Variants in CTXN2 observed in about 807,000 individuals in gnomAD.
The protein encoded by CTXN2 is cortexin 2.
A neutral mutation model predicts 5.7 loss-of-function variants in CTXN2; 3 were observed. The observed-to-expected ratio is 0.53, with a 90% CI of 0.24 to 1.36. The LOEUF is 1.36. Among genes scored for constraint, CTXN2 ranks in the 40% most tolerant of loss-of-function variants. The pLI, the probability that CTXN2 is intolerant of heterozygous loss-of-function variation, is 0.17. For synonymous variants in CTXN2, 38 were observed against 36.4 expected (o/e 1.04, Z -0.16); for missense variants, 87 against 93.0 (o/e 0.94, Z 0.26).
In CTXN2 at chr15:48,201,540, C is replaced by G. The variant is rs374953252; in HGVS notation, c.240C>G (p.Leu80=). 4 of 1,550,960 alleles carry G rather than the reference C, an allele frequency of 2.6e-6. No homozygotes were observed. The highest frequency in any genetic ancestry group is 1.2e-5 in the South Asian group (1 of 84,006). The change falls in exon 2 of 2, where the codon CTC becomes CTG. Residue 80 remains leucine (L), a synonymous_variant. Transcript: ENST00000417307. Reference sequence around the variant, plus strand: ...ATAAAGGGACATTTGAATATGCACTCGCGTGAGAGTTCCAGCTATATGGTT... The same window carrying G: ...ATAAAGGGACATTTGAATATGCACTGGCGTGAGAGTTCCAGCTATATGGTT... ...EFDKGTFEYA[L]A
At chr15:48,195,573 T>C (rs12324333) in intron 1 of CTXN2, among the ~76,000 whole-genome samples, 148,188 of 152,204 alleles carry the variant, frequency 0.97, 72,262 homozygotes, top group Middle Eastern at 1. Flanking sequence ...AAATCCAGTA[T>C]TTTTCTGCCT....
chr15:48,190,308 C>A (rs2040803167), upstream of CTXN2, among the ~76,000 whole-genome samples: 1 of 152,002 alleles, frequency 6.6e-6, no homozygotes, highest in South Asian at 2.1e-4. Flanking sequence ...AGAATGTGGC[C>A]CTTGGCAAGT....
chr15:48,194,809 C>T (rs1290504878), intron 1 of CTXN2, among the ~76,000 whole-genome samples: 1 of 152,096 alleles, frequency 6.6e-6, no homozygotes, highest in African/African-American at 2.4e-5. Flanking sequence ...TGGCTTCCTA[C>T]AAGATAATAT....
intron 1 of CTXN2, among the ~76,000 whole-genome samples, chr15:48,194,148 AT>A (rs2040854268): frequency 6.6e-6 from 1 of 151,994 alleles, no homozygotes; most frequent in Non-Finnish European, 1.5e-5. Flanking sequence ...AGTATATTTT[AT>A]GATAAATATA....
chr15:48,201,326 C>G lies in CTXN2; in HGVS notation c.26C>G (p.Ser9Cys), dbSNP rs949330211. MSSTYCGN[S>C]SAKMSVNEVS... Reference sequence around the variant, plus strand: ...ATGAGTAGTACCTACTGTGGCAACTCTTCAGCTAAGATGAGTGTCAACGAA... The same window carrying G: ...ATGAGTAGTACCTACTGTGGCAACTGTTCAGCTAAGATGAGTGTCAACGAA... The change falls in exon 2 of 2, where the codon TCT becomes TGT. Residue 9 changes from serine (S) to cysteine (C), a missense_variant. Transcript: ENST00000417307. 8 of 1,551,224 alleles carry G rather than the reference C, an allele frequency of 5.2e-6. No homozygotes were observed. Among genetic ancestry groups the G allele is most frequent in the Non-Finnish European group, 7.0e-6 (8 of 1,146,708 alleles).
chr15:48,188,661 A>G (rs374259863), upstream of CTXN2, among the ~76,000 whole-genome samples: 1 of 152,266 alleles, frequency 6.6e-6, no homozygotes, highest in East Asian at 1.9e-4. Context: ...CTTCTAAACA[A>G]TGTCACCAAC....
intron 1 of CTXN2, 65 bp downstream of exon 1, chr15:48,191,918 C>A: frequency 2.3e-6 from 1 of 434,096 alleles, no homozygotes; most frequent in Non-Finnish European, 4.6e-6. Flanking sequence ...GACAGCGTTC[C>A]AAATGCAGGT....
chr15:48,180,842 A>G (rs2140966596), intron 1 of CTXN2, among the ~76,000 whole-genome samples: 1 of 152,256 alleles, frequency 6.6e-6, no homozygotes, highest in East Asian at 1.9e-4. Context: ...TTTGTTTTTT[A>G]GTGCATGTAG....
In CTXN2 at chr15:48,201,349, G is replaced by A. The variant is rs1469481942; in HGVS notation, c.49G>A (p.Glu17Lys). Reference protein sequence around the residue: ...GNSSAKMSVNEVSAFSLTLEQ... With the variant: ...GNSSAKMSVNKVSAFSLTLEQ... ...CTCTTCAGCTAAGATGAGTGTCAAC[G>A]AAGTATCAGCTTTCTCATTGACTCT... The change falls in exon 2 of 2, where the codon GAA (glutamate) becomes AAA (lysine). Residue 17 changes from glutamate (E) to lysine (K), a missense_variant. Coordinates refer to ENST00000417307, the MANE Select transcript of CTXN2 (RefSeq NM_001145668.2). 15 of 1,551,144 alleles carry A rather than the reference G, an allele frequency of 9.7e-6. No individual in the cohort carries two copies. The highest frequency in any genetic ancestry group is 3.6e-5 in the South Asian group (3 of 84,058).
chr15:48,183,953 C>A (rs1015900130), intron 1 of CTXN2, among the ~76,000 whole-genome samples: 12 of 152,330 alleles, frequency 7.9e-5, no homozygotes, highest in African/African-American at 2.9e-4. Context: ...CCTTATTCTT[C>A]CCAAGTGCCT....
intron 1 of CTXN2, among the ~76,000 whole-genome samples, chr15:48,198,319 A>G (rs777399961): frequency 6.6e-6 from 1 of 152,110 alleles, no homozygotes; most frequent in Non-Finnish European, 1.5e-5. Context: ...TTGGATATCT[A>G]AAAACTAGAG....
upstream of CTXN2, among the ~76,000 whole-genome samples, chr15:48,190,531 T>C (rs781596928): frequency 2.0e-5 from 3 of 152,146 alleles, no homozygotes; most frequent in Non-Finnish European, 2.9e-5. Context: ...CCTAAATCAG[T>C]AAATACTCTA....
intron 1 of CTXN2, among the ~76,000 whole-genome samples, chr15:48,185,656 G>A (rs937929527): frequency 1.3e-5 from 2 of 152,114 alleles, no homozygotes; most frequent in African/African-American, 4.8e-5. Flanking sequence ...GTTTGAGTTA[G>A]GAAAGAATGA....
intron 1 of CTXN2, among the ~76,000 whole-genome samples, chr15:48,179,438 A>AAC (rs1271098215): frequency 6.6e-6 from 1 of 151,008 alleles, no homozygotes; most frequent in African/African-American, 2.4e-5. Context: ...CACATACACA[A>AAC]ACACACACAC....
chr15:48,178,543 TCTGCCCACCAGCCCGC>T (rs1404209826), intron 1 of CTXN2: 9 of 327,194 alleles, frequency 2.8e-5, no homozygotes, highest in African/African-American at 1.9e-4. Context: ...TGGTGCCATG[TCTGCCCACCAGCCCGC>T]CTGTCGCTTG....
In CTXN2 at chr15:48,191,739, G is replaced by T; in HGVS notation, c.-172G>T. 2.2e-6 allele frequency: 1 copy of T among 456,022 alleles called. No individual in the cohort carries two copies. The highest frequency in any genetic ancestry group is 4.4e-6 in the Non-Finnish European group (1 of 226,794). 28.2% of individuals were successfully genotyped at this position (456,022 alleles called of 1,614,324 possible). ...AACCAGGGCCCTGTGACTCTACGCA[G>T]GTTCCAGAACACGCCTTCTACATTT... On this transcript the variant is annotated 5_prime_UTR_variant, in exon 1 of 2. It adds an upstream start codon to the 5' untranslated region. Transcript: ENST00000417307.
chr15:48,201,623 T>A lies in CTXN2; in HGVS notation c.*77T>A. 7.1e-7 allele frequency: 1 copy of A among 1,410,312 alleles called. No individual in the cohort carries two copies. The highest frequency in any genetic ancestry group is 1.4e-5 in the African/African-American group (1 of 69,398). 87.4% of individuals were successfully genotyped at this position (1,410,312 alleles called of 1,614,324 possible). A position where few individuals can be genotyped will look rare whatever the true frequency, so the allele number is the denominator to read the frequency against. On this transcript the variant is annotated 3_prime_UTR_variant, in exon 2 of 2. Coordinates refer to ENST00000417307, the MANE Select transcript of CTXN2 (RefSeq NM_001145668.2). The stretch of plus-strand genomic sequence containing the variant: ...TACAATTGTAACTACCTTGAGGGTG[T>A]GGGAGAGAGGCTCATTTTGTTCAGT...
At chr15:48,200,931 A>G (rs890252345) in intron 1 of CTXN2, among the ~76,000 whole-genome samples, 1 of 152,176 alleles carries the variant, frequency 6.6e-6, no homozygotes, top group Non-Finnish European at 1.5e-5. Context: ...CAGATCAAAG[A>G]AGCAGCTATC....
Position 48,201,505 on chromosome 15 carries a change from G to A in CTXN2, c.205G>A (p.Glu69Lys). The change falls in exon 2 of 2, where the codon GAA (glutamate) becomes AAA (lysine). Residue 69 changes from glutamate to lysine, a missense_variant. By Grantham distance (56) the Glu-to-Lys change is moderately conservative. Transcript: ENST00000417307. ...MPSSTWEDEV[E>K]EFDKGTFEYA... ...TTCCTCTACATGGGAAGATGAAGTT[G>A]AAGAGTTTGATAAAGGGACATTTGA... is the stretch of plus-strand genomic sequence containing the variant. 1 of 1,551,214 alleles carries A rather than the reference G, an allele frequency of 6.4e-7. No homozygotes were observed. The highest frequency in any genetic ancestry group is 8.7e-7 in the Non-Finnish European group (1 of 1,146,596).
Sources: gnomAD v4.1 joint callset for allele counts (sites outside exome capture counted in the v4.1 genomes callset) on GRCh38, gnomAD v4.1.1 for gene constraint, MANE v1.5 for transcripts, NCBI Gene and HGNC (gene_info 2026-07-23, HGNC 2026-07-21) for gene names.